Variants in AFF2 observed in about 807,000 individuals in gnomAD.
AFF2 encodes ALF transcription elongation factor 2, also known as AF4/FMR2 family member 2.
Under a neutral mutation model 76.9 loss-of-function variants are expected in AFF2, and 14 were observed. That is an observed-to-expected ratio of 0.18 (90% CI 0.12 to 0.28). The LOEUF (loss-of-function observed/expected upper bound fraction) is 0.28, where lower values mean the gene tolerates loss of function less well. Ranked by LOEUF, AFF2 falls within the 10% of genes least tolerant of loss-of-function variation. The pLI, the probability that AFF2 is intolerant of heterozygous loss-of-function variation, is 1.00. For missense variants in AFF2, 868 were observed against 1,001.1 expected, an observed-to-expected ratio of 0.87 and a Z score of 1.79; for synonymous variants, 398 against 366.7, an observed-to-expected ratio of 1.09 and a Z score of -0.98.
chrX:148,958,318 AT>A lies in AFF2; in HGVS notation c.2569-12del. ...GTGCCATGCATTTCAAGCTCTGTGT[AT>A]TTTTTTCCCTGTTAAAGCCAATAGA... On this transcript the variant is annotated intron_variant, in intron 11 of 20. Coordinates refer to ENST00000370460, the MANE Select transcript of AFF2 (RefSeq NM_002025.4). 1 of 1,209,526 alleles carries A rather than the reference AT, an allele frequency of 8.3e-7. No individual in the cohort carries two copies. The highest frequency in any genetic ancestry group is 1.1e-6 in the Non-Finnish European group (1 of 894,423).
intron 3 of AFF2, among the ~76,000 whole-genome samples, chrX:148,748,664 A>C (rs1181655965): frequency 9.0e-6 from 1 of 111,601 alleles, no homozygotes; most frequent in Non-Finnish European, 1.9e-5. Flanking sequence ...TGGAGGGAAG[A>C]TGGGCTACCT....
chrX:148,681,536 A>ATGTG (rs35711893), intron 3 of AFF2, among the ~76,000 whole-genome samples: 20 of 98,022 alleles, frequency 2.0e-4, no homozygotes, highest in Admixed American at 4.5e-4. Context: ...GTGCTAAAAG[A>ATGTG]TGTGTGTGTG....
At chrX:148,508,190 T>G (rs1430046096) in intron 1 of AFF2, among the ~76,000 whole-genome samples, 3 of 112,073 alleles carry the variant, frequency 2.7e-5, no homozygotes, top group African/African-American at 9.7e-5. Flanking sequence ...GAACAGTTTG[T>G]TTTGTTAGAT....
rs141545529 is a variant in AFF2 at position 148,662,463 on chromosome X, G to A, written c.736G>A (p.Val246Met). The A allele has an allele frequency of 9.2e-5, 111 of 1,210,291 alleles. No homozygotes were observed. Among genetic ancestry groups the A allele is most frequent in the African/African-American group, 8.0e-4 (46 of 57,282 alleles). ...SNSPEESEFA[V>M]QAPGSPLVAS... ...TTCACCGGAAGAATCTGAATTCGCC[G>A]TGCAAGCGCCTGGGTCTCCCCTAGT... Residue 246 changes from valine (V) to methionine (M), a missense_variant, in exon 3 of 21, where the codon GTG becomes ATG. Transcript: ENST00000370460.
chrX:148,742,676 C>G, intron 3 of AFF2, among the ~76,000 whole-genome samples: 1 of 111,757 alleles, frequency 8.9e-6, no homozygotes, highest in Non-Finnish European at 1.9e-5. Context: ...ATGTGCTTTG[C>G]AGGTAAGGGA....
chrX:148,694,650 A>C (rs1357370253), intron 3 of AFF2, among the ~76,000 whole-genome samples: 1 of 111,771 alleles, frequency 8.9e-6, no homozygotes, highest in Non-Finnish European at 1.9e-5. Context: ...AATGTACATA[A>C]GCACTATGTG....
At chrX:148,855,381 T>TA (rs2070776276) in intron 7 of AFF2, among the ~76,000 whole-genome samples, 1 of 111,112 alleles carries the variant, frequency 9.0e-6, no homozygotes, top group Non-Finnish European at 1.9e-5. Flanking sequence ...TGTTTGACTC[T>TA]CCTGAACATA....
At chrX:148,834,495 C>T (rs2070495331) in intron 4 of AFF2, among the ~76,000 whole-genome samples, 1 of 91,868 alleles carries the variant, frequency 1.1e-5, no homozygotes, top group Admixed American at 1.3e-4. Context: ...GAAGTTCAGA[C>T]CAGTCTCAGA....
At chrX:148,850,467 G>A (rs1285008083) in intron 7 of AFF2, among the ~76,000 whole-genome samples, 1 of 111,251 alleles carries the variant, frequency 9.0e-6, no homozygotes, top group Non-Finnish European at 1.9e-5. Context: ...ATAAGCAAGG[G>A]ACCAAAGTTA....
At chrX:148,770,242 G>A (rs5936227) in intron 3 of AFF2, among the ~76,000 whole-genome samples, 27,369 of 111,098 alleles carry the variant, frequency 0.25, 3,619 homozygotes, top group African/African-American at 0.5. Context: ...TAGGAGAGGT[G>A]TAGATTAACT....
intron 4 of AFF2, among the ~76,000 whole-genome samples, chrX:148,820,276 T>C (rs1810904004): frequency 8.9e-6 from 1 of 111,848 alleles, no homozygotes; most frequent in Non-Finnish European, 1.9e-5. Context: ...TCTCCATTTA[T>C]TTGGGTTGGC....
At position 148,999,809 on chromosome X, in the gene AFF2, C is replaced by T. The variant is rs1483100228; in HGVS notation, c.*8477C>T. The stretch of plus-strand genomic sequence containing the variant: ...GTCATAATATCATGGTTCAATTAAA[C>T]GGATTCCACCGGACTTTGTGATGAA... On this transcript the variant is annotated 3_prime_UTR_variant, in exon 21 of 21. Coordinates refer to ENST00000370460, the MANE Select transcript of AFF2 (RefSeq NM_002025.4). The T allele has an allele frequency of 3.6e-5, 4 of 112,431 alleles. No individual in the cohort carries two copies. The highest frequency in any genetic ancestry group is 7.5e-5 in the Non-Finnish European group (4 of 53,299). 9.3% of individuals were successfully genotyped at this position (112,431 alleles called of 1,213,427 possible).
chrX:148,681,322 G>C (rs1268170291), intron 3 of AFF2, among the ~76,000 whole-genome samples: 1 of 111,741 alleles, frequency 8.9e-6, no homozygotes, highest in African/African-American at 3.3e-5. Flanking sequence ...TGGCTGCATA[G>C]CTGGGTTATT....
intron 1 of AFF2, among the ~76,000 whole-genome samples, chrX:148,651,748 T>G (rs2124456474): frequency 9.0e-6 from 1 of 111,236 alleles, no homozygotes; most frequent in Admixed American, 9.6e-5. Context: ...GGAAGAGATT[T>G]TGCTTTACTT....
At chrX:148,619,761 ACAG>A (rs1401274362) in intron 1 of AFF2, among the ~76,000 whole-genome samples, 1 of 111,643 alleles carries the variant, frequency 9.0e-6, no homozygotes, top group Admixed American at 9.5e-5. Flanking sequence ...ATATATAACA[ACAG>A]TTTTTCTCCA....
chrX:148,906,427 T>G (rs1184835394), intron 9 of AFF2, among the ~76,000 whole-genome samples: 1 of 111,712 alleles, frequency 9.0e-6, no homozygotes, highest in East Asian at 2.8e-4. Flanking sequence ...CCAGGCCGAC[T>G]AAGAATTCCT....
chrX:148,598,549 C>T (rs1366615289), intron 1 of AFF2, among the ~76,000 whole-genome samples: 1 of 112,208 alleles, frequency 8.9e-6, no homozygotes, highest in African/African-American at 3.2e-5. Context: ...ACACTGCATG[C>T]CATGGGAAAC....
intron 4 of AFF2, among the ~76,000 whole-genome samples, chrX:148,833,914 T>C (rs191112323): frequency 1.8e-5 from 2 of 111,986 alleles, no homozygotes; most frequent in East Asian, 5.7e-4. Flanking sequence ...CAGGATCCAT[T>C]TGAGATTAGC....
chrX:148,877,721 A>T (rs781807212), intron 7 of AFF2, among the ~76,000 whole-genome samples: 1 of 112,011 alleles, frequency 8.9e-6, no homozygotes, highest in Non-Finnish European at 1.9e-5. Context: ...AGCAGCTGAA[A>T]ATTTGCCATG....
Sources: gnomAD v4.1 joint callset for allele counts (sites outside exome capture counted in the v4.1 genomes callset) on GRCh38, gnomAD v4.1.1 for gene constraint, MANE v1.5 for transcripts, NCBI Gene and HGNC (gene_info 2026-07-23, HGNC 2026-07-21) for gene names.